Variants in ANOS1 observed in about 807,000 individuals in gnomAD.
ANOS1 encodes the protein anosmin 1, also known as anosmin-1.
A neutral mutation model predicts 59.0 loss-of-function variants in ANOS1; 6 were observed. The observed-to-expected ratio is 0.10, with a 90% CI of 0.06 to 0.20. ANOS1 has a LOEUF of 0.20. Ranked by LOEUF, ANOS1 falls within the 10% of genes least tolerant of loss-of-function variation. ANOS1 has a pLI of 1.00. For synonymous variants in ANOS1, 217 were observed against 223.4 expected, an observed-to-expected ratio of 0.97 and a Z score of 0.25; for missense variants, 433 against 542.3, an observed-to-expected ratio of 0.80 and a Z score of 2.00.
intron 2 of ANOS1, among the ~76,000 whole-genome samples, chrX:8,694,148 C>CAA (rs1932648431): frequency 9.0e-6 from 1 of 111,454 alleles, no homozygotes; most frequent in Non-Finnish European, 1.9e-5. Context: ...TCACTAGGGC[C>CAA]TAGGGCATAG....
intron 2 of ANOS1, among the ~76,000 whole-genome samples, chrX:8,695,071 G>A (rs530832087): frequency 5.4e-5 from 6 of 111,641 alleles, no homozygotes; most frequent in African/African-American, 2.0e-4. Context: ...CAGCATTTTG[G>A]GAGGCTGAGG....
chrX:8,614,603 T>C (rs1161899230), intron 3 of ANOS1, among the ~76,000 whole-genome samples: 2 of 111,383 alleles, frequency 1.8e-5, no homozygotes, highest in Non-Finnish European at 3.8e-5. Flanking sequence ...AGCTAATATA[T>C]ATGTAATGTG....
At chrX:8,710,679 G>T (rs901792899) in intron 1 of ANOS1, among the ~76,000 whole-genome samples, 1 of 112,090 alleles carries the variant, frequency 8.9e-6, no homozygotes, top group Non-Finnish European at 1.9e-5. Context: ...ATGTTACTCC[G>T]CTATGCTGAC....
At chrX:8,731,743 C>G in intron 1 of ANOS1, 87 bp downstream of exon 1, 1 of 1,129,033 alleles carries the variant, frequency 8.9e-7, no homozygotes, top group East Asian at 3.7e-5. Flanking sequence ...GAGAACTTTG[C>G]GAGCCCAGGC....
chrX:8,715,507 G>C (rs1418919561), intron 1 of ANOS1, among the ~76,000 whole-genome samples: 3 of 103,548 alleles, frequency 2.9e-5, no homozygotes, highest in Non-Finnish European at 5.9e-5. Context: ...TCAAATTCCC[G>C]AACTCAAGTG....
At chrX:8,543,501 C>T (rs1016319686) in intron 9 of ANOS1, among the ~76,000 whole-genome samples, 4 of 111,336 alleles carry the variant, frequency 3.6e-5, no homozygotes, top group Non-Finnish European at 7.5e-5. Context: ...TTGCTAATTA[C>T]TAAAATCCTA....
chrX:8,545,666 A>G (rs1216498579), intron 9 of ANOS1, among the ~76,000 whole-genome samples: 1 of 112,224 alleles, frequency 8.9e-6, no homozygotes, highest in African/African-American at 3.2e-5. Flanking sequence ...TAATTCATTT[A>G]TCTATGAAAC....
intron 5 of ANOS1, among the ~76,000 whole-genome samples, chrX:8,585,952 C>T (rs73199015): frequency 0.094 from 10,442 of 111,403 alleles, 441 homozygotes; most frequent in Admixed American, 0.14. Context: ...CATATATTTG[C>T]TCAATAAAAT....
chrX:8,572,878 A>G lies in ANOS1; in HGVS notation c.857-2174T>C, dbSNP rs187868379. Among the ~76,000 whole-genome samples the G allele has an allele frequency of 2.6e-3, 282 of 110,498 alleles. 1 individual carries two copies. Among genetic ancestry groups the G allele is most frequent in the African/African-American group, 8.7e-3 (265 of 30,352 alleles). ...GGCTCCTATGAGGTCTGAACATCAC[A>G]TATGTAAGGAGGAAATGTATTTTTC... On this transcript the variant is annotated intron_variant, in intron 6 of 13. Coordinates refer to ENST00000262648, the MANE Select transcript of ANOS1 (RefSeq NM_000216.4).
intron 2 of ANOS1, among the ~76,000 whole-genome samples, chrX:8,633,465 A>G (rs979602248): frequency 1.2e-4 from 13 of 111,871 alleles, no homozygotes; most frequent in Non-Finnish European, 7.5e-5. Context: ...TGGAAGACAA[A>G]GCATACCTTC....
chrX:8,671,587 GTATA>G (rs752088039), intron 2 of ANOS1, among the ~76,000 whole-genome samples: 3,332 of 102,170 alleles, frequency 0.033, 140 homozygotes, highest in African/African-American at 0.11. Context: ...ATGTGTATGA[GTATA>G]TATATATATA....
At chrX:8,709,414 G>A (rs1932798108) in intron 1 of ANOS1, among the ~76,000 whole-genome samples, 1 of 111,970 alleles carries the variant, frequency 8.9e-6, no homozygotes, top group Non-Finnish European at 1.9e-5. Context: ...AGAAAATTAT[G>A]CAAGACCAAC....
intron 3 of ANOS1, among the ~76,000 whole-genome samples, chrX:8,615,955 A>G (rs1363000961): frequency 9.0e-6 from 1 of 111,085 alleles, no homozygotes; most frequent in Admixed American, 9.7e-5. Flanking sequence ...TGCTTGTAAA[A>G]TATAATTATT....
At chrX:8,578,031 A>T (rs554499644) in intron 6 of ANOS1, among the ~76,000 whole-genome samples, 3 of 111,896 alleles carry the variant, frequency 2.7e-5, no homozygotes, top group Non-Finnish European at 3.8e-5. Flanking sequence ...GTGCACATGG[A>T]GAACAATACC....
chrX:8,720,793 G>T (rs757037996), intron 1 of ANOS1, among the ~76,000 whole-genome samples: 1 of 111,288 alleles, frequency 9.0e-6, no homozygotes, highest in East Asian at 2.8e-4. Context: ...AGGTACGGGG[G>T]TGTAACACAC....
intron 1 of ANOS1, among the ~76,000 whole-genome samples, chrX:8,702,072 T>C (rs1328654780): frequency 1.8e-5 from 2 of 111,410 alleles, no homozygotes; most frequent in African/African-American, 6.5e-5. Flanking sequence ...CAATCTCCTA[T>C]GAACCTACCT....
At chrX:8,722,469 C>A (rs1343226626) in intron 1 of ANOS1, among the ~76,000 whole-genome samples, 2 of 111,434 alleles carry the variant, frequency 1.8e-5, no homozygotes, top group African/African-American at 6.5e-5. Context: ...GTTTTCCATT[C>A]CTGAGTTACT....
At chrX:8,728,067 TTA>T (rs1932935446) in intron 1 of ANOS1, among the ~76,000 whole-genome samples, 1 of 112,213 alleles carries the variant, frequency 8.9e-6, no homozygotes, top group Admixed American at 9.4e-5. Flanking sequence ...CCCCACGTTT[TTA>T]TTTTGCACCA....
intron 2 of ANOS1, among the ~76,000 whole-genome samples, chrX:8,664,190 CTTTG>C (rs917675652): frequency 9.0e-5 from 10 of 111,507 alleles, no homozygotes; most frequent in Non-Finnish European, 1.3e-4. Flanking sequence ...ATAAAATAAA[CTTTG>C]TTTGTTTGTT....
Sources: allele counts gnomAD v4.1 joint callset (sites outside exome capture counted in the v4.1 genomes callset), GRCh38; gene constraint gnomAD v4.1.1; transcripts MANE v1.5; gene names NCBI Gene and HGNC (gene_info 2026-07-23, HGNC 2026-07-21).